BCL2L1: variants seen among roughly 807,000 people sequenced by gnomAD.
BCL2L1 encodes bcl-2-like protein 1.
Under a neutral mutation model 18.7 loss-of-function variants are expected in BCL2L1, and 1 was observed. The ratio of observed to expected loss-of-function variants is 0.05; its 90% CI spans 0.02 to 0.25. The LOEUF (loss-of-function observed/expected upper bound fraction) is 0.25, where lower values mean the gene tolerates loss of function less well. BCL2L1 is among the 10% of genes least tolerant of loss of function. BCL2L1 has a pLI of 1.00. For missense variants in BCL2L1, 207 were observed against 304.9 expected (o/e 0.68, Z 2.39); for synonymous variants, 103 against 122.7 (o/e 0.84, Z 1.06).
intron 2 of BCL2L1, among the ~76,000 whole-genome samples, chr20:31,698,187 C>T (rs2061214588): frequency 6.6e-6 from 1 of 152,164 alleles, no homozygotes; most frequent in Non-Finnish European, 1.5e-5. Flanking sequence ...CGTGCCCAGC[C>T]TGGTGATCCT....
chr20:31,690,923 T>C, intron 2 of BCL2L1, among the ~76,000 whole-genome samples: 1 of 151,744 alleles, frequency 6.6e-6, no homozygotes, highest in South Asian at 2.1e-4. Context: ...CCGAGGTGGG[T>C]GGCTCACCTG....
intron 2 of BCL2L1, among the ~76,000 whole-genome samples, chr20:31,681,510 C>T (rs976267439): frequency 6.6e-6 from 1 of 152,054 alleles, no homozygotes; most frequent in African/African-American, 2.4e-5. Flanking sequence ...AGTAGCCAGG[C>T]GTGATGGCAT....
At chr20:31,694,531 G>A (rs2061136399) in intron 2 of BCL2L1, among the ~76,000 whole-genome samples, 1 of 152,128 alleles carries the variant, frequency 6.6e-6, no homozygotes, top group Non-Finnish European at 1.5e-5. Flanking sequence ...CCTTGAGGGG[G>A]TGGTGGAGGT....
At chr20:31,670,048 T>C (rs2060643954) in intron 2 of BCL2L1, among the ~76,000 whole-genome samples, 1 of 152,170 alleles carries the variant, frequency 6.6e-6, no homozygotes. Context: ...GTCAGGACAC[T>C]TCCCTGAAGT....
At chr20:31,723,367 G>A (rs1423353782), upstream of BCL2L1, 1 of 985,338 alleles carries the variant, frequency 1.0e-6, no homozygotes, top group Non-Finnish European at 1.2e-6. Context: ...AAGAGGGGTC[G>A]AGGCCTGCTC....
intron 2 of BCL2L1, among the ~76,000 whole-genome samples, chr20:31,708,327 C>T (rs2061402521): frequency 6.6e-6 from 1 of 152,208 alleles, no homozygotes; most frequent in African/African-American, 2.4e-5. Flanking sequence ...CTCCCCTGGG[C>T]AAGAAGCCTG....
intron 2 of BCL2L1, among the ~76,000 whole-genome samples, chr20:31,707,681 G>A (rs190914250): frequency 1.3e-5 from 2 of 151,850 alleles, no homozygotes; most frequent in African/African-American, 4.8e-5. Flanking sequence ...GGGAGGCTGA[G>A]GCAGGAGAAT....
chr20:31,671,739 T>C (rs1247373455), intron 2 of BCL2L1, among the ~76,000 whole-genome samples: 2 of 151,888 alleles, frequency 1.3e-5, no homozygotes, highest in Non-Finnish European at 2.9e-5. Context: ...TTACAGTGAT[T>C]TGTGGCTCTC....
intron 2 of BCL2L1, among the ~76,000 whole-genome samples, chr20:31,691,549 A>G (rs1466284132): frequency 6.6e-6 from 1 of 151,280 alleles, no homozygotes; most frequent in Admixed American, 6.6e-5. Flanking sequence ...ATAAAATAAA[A>G]TAAAATAAAA....
intron 2 of BCL2L1, among the ~76,000 whole-genome samples, chr20:31,681,511 G>A (rs774542469): frequency 4.6e-5 from 7 of 152,144 alleles, no homozygotes; most frequent in African/African-American, 7.2e-5. Context: ...GTAGCCAGGC[G>A]TGATGGCATG....
intron 2 of BCL2L1, among the ~76,000 whole-genome samples, chr20:31,718,458 C>A (rs1191282428): frequency 6.6e-6 from 1 of 152,136 alleles, no homozygotes; most frequent in Non-Finnish European, 1.5e-5. Context: ...GAGTTTGAAA[C>A]CAGCTTGACC....
At chr20:31,676,072 G>A (rs888317209) in intron 2 of BCL2L1, among the ~76,000 whole-genome samples, 3 of 152,156 alleles carry the variant, frequency 2.0e-5, no homozygotes, top group Non-Finnish European at 2.9e-5. Context: ...CTAGCAGTGC[G>A]AGTGTGGGCT....
At chr20:31,713,857 G>T (rs1177870835) in intron 2 of BCL2L1, among the ~76,000 whole-genome samples, 1 of 152,158 alleles carries the variant, frequency 6.6e-6, no homozygotes, top group East Asian at 1.9e-4. Context: ...GTTCCAATTT[G>T]AAAGTCCAAA....
chr20:31,679,767 G>A (rs1258120630), intron 2 of BCL2L1, among the ~76,000 whole-genome samples: 1 of 152,194 alleles, frequency 6.6e-6, no homozygotes, highest in African/African-American at 2.4e-5. Flanking sequence ...GGGTTCAAGC[G>A]ATTCTTGTGC....
chr20:31,672,690 C>T (rs980792536), intron 2 of BCL2L1, among the ~76,000 whole-genome samples: 1 of 152,170 alleles, frequency 6.6e-6, no homozygotes, highest in Non-Finnish European at 1.5e-5. Context: ...CTGAACGATG[C>T]AGGTCACCTT....
At chr20:31,715,735 G>A (rs1329275045) in intron 2 of BCL2L1, among the ~76,000 whole-genome samples, 1 of 152,098 alleles carries the variant, frequency 6.6e-6, no homozygotes, top group African/African-American at 2.4e-5. Flanking sequence ...CTGTCCTTTT[G>A]TAAAAGAAAT....
intron 2 of BCL2L1, among the ~76,000 whole-genome samples, chr20:31,669,339 G>T (rs937088756): frequency 1.3e-5 from 2 of 151,326 alleles, no homozygotes; most frequent in Admixed American, 1.3e-4. Flanking sequence ...GATTACAGGC[G>T]TGAGCCACCA....
rs887308628 is a variant in BCL2L1 at position 31,694,209 on chromosome 20, T to C, written c.564+27446A>G. ...GTAGCCCTTGGTGACCTGATACATG[T>C]GAGAGGCTGGGCCCAGTCAGATGGG... On this transcript the variant is annotated intron_variant, in intron 2 of 2. Coordinates refer to ENST00000307677, the MANE Select transcript of BCL2L1 (RefSeq NM_138578.3). Among the ~76,000 whole-genome samples, 3 of 151,984 alleles carry C rather than the reference T, an allele frequency of 2.0e-5. No homozygotes were observed. In the East Asian group the frequency reaches 5.8e-4, roughly 29 times the overall value.
chr20:31,723,507 C>A, upstream of BCL2L1: 2 of 985,288 alleles, frequency 2.0e-6, no homozygotes, highest in South Asian at 9.4e-5. Flanking sequence ...TGCGGCCTAG[C>A]GGCTTCTCGA....
Sources: allele counts gnomAD v4.1 joint callset (sites outside exome capture counted in the v4.1 genomes callset), GRCh38; gene constraint gnomAD v4.1.1; transcripts MANE v1.5; gene names NCBI Gene and HGNC (gene_info 2026-07-23, HGNC 2026-07-21).